Variants in PLCH2 observed in about 807,000 individuals in gnomAD.
PLCH2 encodes 1-phosphatidylinositol 4,5-bisphosphate phosphodiesterase eta-2.
Under a neutral mutation model 134.7 loss-of-function variants are expected in PLCH2, and 98 were observed. The observed-to-expected ratio is 0.73, with a 90% CI of 0.62 to 0.86. The LOEUF (loss-of-function observed/expected upper bound fraction) is 0.86, where lower values mean the gene tolerates loss of function less well. Ranked by LOEUF, PLCH2 falls within the 40% of genes least tolerant of loss-of-function variation. PLCH2 has a pLI of 0.00. For synonymous variants in PLCH2, 974 were observed against 827.5 expected, an observed-to-expected ratio of 1.18 and a Z score of -3.04; for missense variants, 1,994 against 1,986.6, an observed-to-expected ratio of 1.00 and a Z score of -0.07.
intron 4 of PLCH2, among the ~76,000 whole-genome samples, chr1:2,481,117 C>T (rs1328370583): frequency 6.6e-6 from 1 of 152,272 alleles, no homozygotes; most frequent in Non-Finnish European, 1.5e-5. Context: ...CATACACATG[C>T]TCACAGCCTG....
Position 2,505,532 on chromosome 1 carries a change from A to C in PLCH2, c.*319A>C. 2.7e-6 allele frequency: 1 copy of C among 376,186 alleles called. No individual in the cohort carries two copies. Among genetic ancestry groups the C allele is most frequent in the Non-Finnish European group, 4.8e-6 (1 of 207,458 alleles). The allele number at this position is 376,186 out of a possible 1,614,324, so 23.3% of individuals were successfully genotyped here. On this transcript the variant is annotated 3_prime_UTR_variant, in exon 22 of 22. Coordinates refer to ENST00000378486, the MANE Select transcript of PLCH2 (RefSeq NM_014638.4). The stretch of plus-strand genomic sequence containing the variant: ...TTAAAATGATACCAAGTCCCTTTCC[A>C]TTTTTACCTGGTTTTTCACCCCAGG...
chr1:2,479,894 C>T lies in PLCH2; in HGVS notation c.432C>T (p.Arg144=), dbSNP rs1286085790. The part of the protein sequence containing the change: ...DLVSTSSEVA[R]TWVTGLRYLM... ...TCTCCACCAGCAGCGAGGTGGCGCG[C>T]ACCTGGGTCACTGGCCTGCGCTACC... Residue 144 remains arginine, a synonymous_variant, in exon 3 of 22, where the codon CGC becomes CGT. Transcript: ENST00000378486. The T allele has an allele frequency of 6.2e-7, 1 of 1,611,960 alleles. No individual in the cohort carries two copies. Among genetic ancestry groups the T allele is most frequent in the South Asian group, 1.1e-5 (1 of 91,066 alleles).
chr1:2,450,637 CT>C (rs1352445883), intron 2 of PLCH2, among the ~76,000 whole-genome samples: 1 of 78,140 alleles, frequency 1.3e-5, no homozygotes, highest in African/African-American at 5.0e-5. Context: ...AACTCCCCCC[CT>C]GCCCCCCGCT....
Position 2,479,899 on chromosome 1 carries a change from G to A in PLCH2, c.437G>A (p.Trp146Ter), listed in dbSNP as rs1641862903. 1 of 1,611,750 alleles carries A rather than the reference G, an allele frequency of 6.2e-7. No homozygotes were observed. The highest frequency in any genetic ancestry group is 1.7e-5 in the Admixed American group (1 of 59,964). The stretch of plus-strand genomic sequence containing the variant: ...ACCAGCAGCGAGGTGGCGCGCACCT[G>A]GGTCACTGGCCTGCGCTACCTCATG... ...VSTSSEVARTWVTGLRYLMAG... is the reference protein window; with the variant it reads ...VSTSSEVART The change falls in exon 3 of 22, where the codon TGG becomes TAG. Residue 146 changes from tryptophan (W) to a stop codon, truncating the protein, a stop_gained. Transcript: ENST00000378486. LOFTEE classifies it high-confidence loss of function.
intron 2 of PLCH2, among the ~76,000 whole-genome samples, chr1:2,433,284 G>A (rs775651952): frequency 6.6e-6 from 1 of 152,238 alleles, no homozygotes; most frequent in Non-Finnish European, 1.5e-5. Context: ...GGCAGGTTTT[G>A]TGGGGCTGAC....
chr1:2,434,251 G>A (rs1639217450), intron 2 of PLCH2, among the ~76,000 whole-genome samples: 1 of 152,236 alleles, frequency 6.6e-6, no homozygotes, highest in African/African-American at 2.4e-5. Context: ...CCTTCCCCAG[G>A]TCAGTCCCTG....
chr1:2,453,327 C>T (rs1017166345), intron 2 of PLCH2, among the ~76,000 whole-genome samples: 1 of 152,238 alleles, frequency 6.6e-6, no homozygotes, highest in African/African-American at 2.4e-5. Context: ...CATATGTTTC[C>T]AGTCCGCCCT....
rs1416333088 is a variant in PLCH2 at position 2,443,344 on chromosome 1, G to C, written c.115+12715G>C. ...ATGGCCCAGGCCCCAGTCCTCAAACGCCAGGGTGTTGGGAGTGGGGGGTGG... is the reference window on the plus strand; with the variant it reads ...ATGGCCCAGGCCCCAGTCCTCAAACCCCAGGGTGTTGGGAGTGGGGGGTGG... On this transcript the variant is annotated intron_variant, in intron 2 of 3. Transcript: ENST00000609981. 5.9e-5 allele frequency among the ~76,000 whole-genome samples: 9 copies of C among 152,322 alleles called. No individual in the cohort carries two copies. In the East Asian group the frequency reaches 1.7e-3, roughly 30 times the overall value.
intron 2 of PLCH2, among the ~76,000 whole-genome samples, chr1:2,435,329 G>A (rs1364840083): frequency 1.3e-5 from 2 of 152,208 alleles, no homozygotes; most frequent in Non-Finnish European, 2.9e-5. Context: ...GGCTCGGGGT[G>A]TTTCCTCAGA....
chr1:2,503,087 C>A, intron 21 of PLCH2: 1 of 698,738 alleles, frequency 1.4e-6, no homozygotes. Context: ...TGGCCCATAG[C>A]CCCAGCCCTC....
At chr1:2,464,646 A>G (rs563962077), upstream of PLCH2, among the ~76,000 whole-genome samples, 2 of 152,324 alleles carry the variant, frequency 1.3e-5, no homozygotes, top group South Asian at 2.1e-4. Context: ...CAGGAATGGA[A>G]GGTGCACTGC....
At chr1:2,441,991 GCA>G (rs758385473) in intron 2 of PLCH2, among the ~76,000 whole-genome samples, 35 of 152,306 alleles carry the variant, frequency 2.3e-4, no homozygotes, top group Non-Finnish European at 4.7e-4. Flanking sequence ...CACACACCCG[GCA>G]CAGAGTCTCC....
chr1:2,497,188 G>C (rs893113126), intron 15 of PLCH2, among the ~76,000 whole-genome samples, 178 bp downstream of exon 15: 1 of 152,250 alleles, frequency 6.6e-6, no homozygotes, highest in Non-Finnish European at 1.5e-5. Context: ...ACTGACACCA[G>C]GCTAGCACTG....
At chr1:2,467,793 C>A (rs1641138855) in intron 1 of PLCH2, 1 of 397,914 alleles carries the variant, frequency 2.5e-6, no homozygotes, top group Non-Finnish European at 4.4e-6. Context: ...CCCCCGTGGG[C>A]AGTGCAGAGC....
At chr1:2,502,884 G>A (rs1354534354) in intron 21 of PLCH2, 6 of 717,090 alleles carry the variant, frequency 8.4e-6, no homozygotes, top group Non-Finnish European at 1.6e-5. Flanking sequence ...GAGGAGATCA[G>A]GAGTAAATCC....
At chr1:2,464,923 C>T (rs528971300), upstream of PLCH2, among the ~76,000 whole-genome samples, 7 of 152,184 alleles carry the variant, frequency 4.6e-5, no homozygotes, top group South Asian at 2.1e-4. Context: ...CCCTCAGGCT[C>T]GGCTCTGCAG....
intron 2 of PLCH2, among the ~76,000 whole-genome samples, chr1:2,434,769 G>C (rs1329359076): frequency 6.6e-6 from 1 of 152,214 alleles, no homozygotes; most frequent in Non-Finnish European, 1.5e-5. Context: ...GGCCATGCAA[G>C]CTCCTCTCCC....
At chr1:2,431,208 C>T (rs1639054618) in intron 2 of PLCH2, among the ~76,000 whole-genome samples, 1 of 151,884 alleles carries the variant, frequency 6.6e-6, no homozygotes, top group Non-Finnish European at 1.5e-5. Flanking sequence ...GCCCCTGCTG[C>T]TCTCTGGGCG....
At chr1:2,467,410 TCCCAGCGGCGGC>T, upstream of PLCH2, 1 of 386,870 alleles carries the variant, frequency 2.6e-6, no homozygotes, top group Non-Finnish European at 4.6e-6. Context: ...GGAGGGGCGG[TCCCAGCGGCGGC>T]CCCGTCCCGC....
Sources: gnomAD v4.1 joint callset for allele counts (sites outside exome capture counted in the v4.1 genomes callset) on GRCh38, gnomAD v4.1.1 for gene constraint, MANE v1.5 for transcripts, NCBI Gene and HGNC (gene_info 2026-07-23, HGNC 2026-07-21) for gene names.